Variants in AMPH observed in about 807,000 individuals in gnomAD.
AMPH encodes the protein amphiphysin (Stiff-Mann syndrome with breast cancer 128kD autoantigen).
Under a neutral mutation model 99.1 loss-of-function variants are expected in AMPH, and 49 were observed. That is an observed-to-expected ratio of 0.49 (90% CI 0.39 to 0.63). The LOEUF (loss-of-function observed/expected upper bound fraction) is 0.63. AMPH is among the 20% of genes least tolerant of loss of function. AMPH has a pLI of 0.00. For missense variants in AMPH, 759 were observed against 863.4 expected (o/e 0.88, Z 1.52); for synonymous variants, 314 against 317.3 (o/e 0.99, Z 0.11).
At chr7:38,440,909 A>C (rs577907926) in intron 11 of AMPH, among the ~76,000 whole-genome samples, 4 of 152,214 alleles carry the variant, frequency 2.6e-5, no homozygotes, top group Admixed American at 1.3e-4. Flanking sequence ...CTAGATTTAA[A>C]CTTCACCATA....
At chr7:38,567,349 T>C (rs150448571) in intron 1 of AMPH, among the ~76,000 whole-genome samples, 2,224 of 152,016 alleles carry the variant, frequency 0.015, 59 homozygotes, top group African/African-American at 0.051. Context: ...TGAGAACACA[T>C]GGACACAGGG....
intron 3 of AMPH, among the ~76,000 whole-genome samples, chr7:38,498,239 G>A (rs886218049): frequency 1.3e-5 from 2 of 151,936 alleles, no homozygotes; most frequent in African/African-American, 2.4e-5. Context: ...TTCCTTCCCT[G>A]CCCACTGCCC....
chr7:38,432,000 T>C (rs1584082433), intron 13 of AMPH, 189 bp downstream of exon 13: 1 of 695,040 alleles, frequency 1.4e-6, no homozygotes, highest in South Asian at 1.5e-5. Context: ...CACTGTACTC[T>C]TCCTTCACCA....
At chr7:38,542,398 T>A (rs1000352011) in intron 1 of AMPH, among the ~76,000 whole-genome samples, 35 of 152,116 alleles carry the variant, frequency 2.3e-4, no homozygotes, top group African/African-American at 7.2e-4. Flanking sequence ...ATCTCCAACC[T>A]CTTTAGATCA....
At chr7:38,423,135 T>C (rs1323483090) in intron 15 of AMPH, among the ~76,000 whole-genome samples, 2 of 152,208 alleles carry the variant, frequency 1.3e-5, no homozygotes, top group African/African-American at 4.8e-5. Flanking sequence ...AAGTTAGTGG[T>C]TGAAGCTCCA....
At chr7:38,561,547 TA>T (rs1337569588) in intron 1 of AMPH, among the ~76,000 whole-genome samples, 1 of 152,052 alleles carries the variant, frequency 6.6e-6, no homozygotes, top group Non-Finnish European at 1.5e-5. Flanking sequence ...GAGAGAAAAA[TA>T]AAACCACAGA....
Position 38,594,810 on chromosome 7 carries a change from C to T in AMPH, c.69+36473G>A, listed in dbSNP as rs17171410. ...AGGAAGCAAGATAAAGACATCAGTGCTGCTTATTCTAAATTATTTCTAAAT... is the reference window on the plus strand; with the variant it reads ...AGGAAGCAAGATAAAGACATCAGTGTTGCTTATTCTAAATTATTTCTAAAT... On this transcript the variant is annotated intron_variant, in intron 1 of 20. Coordinates refer to ENST00000356264, the MANE Select transcript of AMPH (RefSeq NM_001635.4). Among the ~76,000 whole-genome samples, 1,172 of 152,216 alleles carry T rather than the reference C, an allele frequency of 7.7e-3. 18 individuals carry two copies. Among genetic ancestry groups the T allele is most frequent in the African/African-American group, 0.027 (1,101 of 41,518 alleles).
intron 1 of AMPH, among the ~76,000 whole-genome samples, chr7:38,588,276 T>C (rs969720144): frequency 3.3e-5 from 5 of 152,144 alleles, no homozygotes; most frequent in Non-Finnish European, 1.5e-5. Context: ...TTAATTAAGA[T>C]GGAAGATGGG....
At chr7:38,535,072 T>C (rs533634447) in intron 1 of AMPH, 61 bp from the exon 2 acceptor site, 2 of 1,462,344 alleles carry the variant, frequency 1.4e-6, no homozygotes, top group Non-Finnish European at 1.9e-6. Flanking sequence ...AAGATGTGCA[T>C]TTTCTGTTAA....
In AMPH at chr7:38,525,258, G is replaced by GTATATATATATA. The variant is rs141925117; in HGVS notation, c.150+9661_150+9672dup. 9.6e-3 allele frequency among the ~76,000 whole-genome samples: 1,059 copies of GTATATATATATA among 110,690 alleles called. 18 individuals are homozygous for GTATATATATATA. Among genetic ancestry groups the GTATATATATATA allele is most frequent in the African/African-American group, 0.027 (675 of 24,736 alleles). 72.6% of individuals were successfully genotyped at this position (110,690 alleles called of 152,430 possible). ...TATATATGTAGTTGTGTGTGTGTGT[G>GTATATATATATA]TATATATATATATATATATAGAGAG... On this transcript the variant is annotated intron_variant, in intron 2 of 20. Transcript: ENST00000356264.
intron 1 of AMPH, among the ~76,000 whole-genome samples, chr7:38,573,473 A>C (rs757719541): frequency 1.6e-4 from 24 of 152,326 alleles, no homozygotes; most frequent in Non-Finnish European, 3.1e-4. Context: ...CCAAGGTGTG[A>C]GCTTTGGTGT....
chr7:38,511,887 T>C (rs573719755), intron 2 of AMPH, among the ~76,000 whole-genome samples: 52 of 152,188 alleles, frequency 3.4e-4, no homozygotes, highest in Non-Finnish European at 6.5e-4. Flanking sequence ...AAGAAGCCAT[T>C]ATCTTTATTA....
At chr7:38,620,360 GTGTC>G (rs755493169) in intron 1 of AMPH, among the ~76,000 whole-genome samples, 7 of 122,392 alleles carry the variant, frequency 5.7e-5, no homozygotes, top group Admixed American at 8.6e-5. Flanking sequence ...GTGTGTGTGT[GTGTC>G]TGTGTGTGTG....
intron 2 of AMPH, among the ~76,000 whole-genome samples, chr7:38,523,282 G>T (rs1164441008): frequency 6.6e-6 from 1 of 152,006 alleles, no homozygotes; most frequent in Non-Finnish European, 1.5e-5. Context: ...TGTCCACTTA[G>T]AAGGCCTAGA....
chr7:38,625,831 T>C (rs1279521414), intron 1 of AMPH, among the ~76,000 whole-genome samples: 1 of 152,198 alleles, frequency 6.6e-6, no homozygotes, highest in African/African-American at 2.4e-5. Context: ...CTGTTACTTA[T>C]CTGGGTGGTA....
intron 17 of AMPH, among the ~76,000 whole-genome samples, chr7:38,399,425 C>A (rs182960478): frequency 6.6e-6 from 1 of 152,204 alleles, no homozygotes; most frequent in African/African-American, 2.4e-5. Flanking sequence ...ATTTACTGAC[C>A]GCAAGAATAG....
chr7:38,479,070 AT>A (rs1397787116), intron 5 of AMPH, among the ~76,000 whole-genome samples: 28 of 151,974 alleles, frequency 1.8e-4, no homozygotes, highest in Admixed American at 1.8e-3. Flanking sequence ...ATGGCTGAAA[AT>A]TTTTTTTAAA....
intron 2 of AMPH, among the ~76,000 whole-genome samples, chr7:38,510,180 C>T (rs535033680): frequency 6.6e-6 from 1 of 152,288 alleles, no homozygotes; most frequent in African/African-American, 2.4e-5. Context: ...CCCCCCGTGG[C>T]CTCTCTCCTT....
At chr7:38,529,895 T>G in intron 2 of AMPH, among the ~76,000 whole-genome samples, 1 of 152,224 alleles carries the variant, frequency 6.6e-6, no homozygotes, top group East Asian at 1.9e-4. Context: ...AATTAAAATT[T>G]TATCCACACA....
Sources: gnomAD v4.1 joint callset for allele counts (sites outside exome capture counted in the v4.1 genomes callset) on GRCh38, gnomAD v4.1.1 for gene constraint, MANE v1.5 for transcripts, NCBI Gene and HGNC (gene_info 2026-07-23, HGNC 2026-07-21) for gene names.